The following LRRC53 variants were observed in gnomAD, a reference collection of about 807,000 sequenced individuals.
LRRC53 encodes leucine-rich repeat-containing protein 53.
Under a neutral mutation model 13.6 loss-of-function variants are expected in LRRC53, and 25 were observed. The observed-to-expected ratio is 1.83, with a 90% CI of 1.34 to 2.56. LRRC53 has a LOEUF of 2.56. Ranked by LOEUF, LRRC53 falls within the 30% of genes most tolerant of loss-of-function variation. LRRC53 has a pLI of 0.00. For missense variants in LRRC53, 527 were observed against 275.8 expected (o/e 1.91, Z -6.45); for synonymous variants, 204 against 109.8 (o/e 1.86, Z -5.37).
the LRRC53 span, among the ~76,000 whole-genome samples, chr1:74,531,672 C>T: frequency 2.0e-5 from 3 of 152,280 alleles, no homozygotes; most frequent in African/African-American, 7.2e-5. Context: ...AGCTGTTTCT[C>T]CACCTTTTCT....
chr1:74,497,681 G>A (rs1310407321), intron 1 of LRRC53, among the ~76,000 whole-genome samples: 4 of 152,030 alleles, frequency 2.6e-5, no homozygotes, highest in Non-Finnish European at 2.9e-5. Flanking sequence ...CTGCTTCCTA[G>A]CGTTTGCAAC....
the LRRC53 span, among the ~76,000 whole-genome samples, chr1:74,534,201 T>C: frequency 7.9e-6 from 1 of 126,044 alleles, no homozygotes; most frequent in Non-Finnish European, 1.6e-5. Flanking sequence ...AACAATTCTC[T>C]GTAATTGTTT....
At chr1:74,477,769 T>C (rs1447085151) in intron 3 of LRRC53, among the ~76,000 whole-genome samples, 1 of 152,212 alleles carries the variant, frequency 6.6e-6, no homozygotes, top group Non-Finnish European at 1.5e-5. Flanking sequence ...ATGAAGCTTG[T>C]AGGCAGGCGG....
intron 1 of LRRC53, among the ~76,000 whole-genome samples, chr1:74,490,148 G>A (rs1342757761): frequency 6.6e-6 from 1 of 150,378 alleles, no homozygotes; most frequent in Non-Finnish European, 1.5e-5. Flanking sequence ...GAGTGGCTCT[G>A]TCTCATGACT....
At chr1:74,485,971 T>A (rs1017084406) in intron 1 of LRRC53, among the ~76,000 whole-genome samples, 7 of 152,142 alleles carry the variant, frequency 4.6e-5, no homozygotes, top group African/African-American at 1.7e-4. Flanking sequence ...AGTGAAACTC[T>A]GAGCAAAGGA....
At chr1:74,501,706 T>C (rs1379334640) in intron 1 of LRRC53, among the ~76,000 whole-genome samples, 2 of 151,926 alleles carry the variant, frequency 1.3e-5, no homozygotes, top group Non-Finnish European at 2.9e-5. Flanking sequence ...TCAGGCTGGT[T>C]GTGTATTCCT....
intron 1 of LRRC53, among the ~76,000 whole-genome samples, chr1:74,503,183 A>C (rs1286262983): frequency 6.6e-6 from 1 of 152,198 alleles, no homozygotes; most frequent in Non-Finnish European, 1.5e-5. Flanking sequence ...TCTGGTGATG[A>C]AAGTCCAAGA....
Position 74,469,480 on chromosome 1 carries a change from AC to A in LRRC53, c.*397del, listed in dbSNP as rs1364757250. 1 of 155,810 alleles carries A rather than the reference AC, an allele frequency of 6.4e-6. No homozygotes were observed. The highest frequency in any genetic ancestry group is 2.4e-5 in the African/African-American group (1 of 41,604). 9.7% of individuals were successfully genotyped at this position (155,810 alleles called of 1,614,324 possible). On this transcript the variant is annotated 3_prime_UTR_variant, in exon 5 of 5. Coordinates refer to ENST00000294635, the MANE Select transcript of LRRC53 (RefSeq NM_001382280.1). ...TCCATGTAGAAAGCAATATTGTAAT[AC>A]CACTAATTGAGATATGTATAATAAT...
the LRRC53 span, among the ~76,000 whole-genome samples, chr1:74,533,552 C>T: frequency 6.6e-6 from 1 of 152,182 alleles, no homozygotes; most frequent in Non-Finnish European, 1.5e-5. Context: ...CCCAGCCATC[C>T]TATTACTGGG....
intron 1 of LRRC53, among the ~76,000 whole-genome samples, chr1:74,488,197 G>A (rs1668865745): frequency 6.6e-6 from 1 of 152,128 alleles, no homozygotes; most frequent in Non-Finnish European, 1.5e-5. Flanking sequence ...GTGTTTAGAG[G>A]AGAAACCATT....
the LRRC53 span, among the ~76,000 whole-genome samples, chr1:74,532,961 C>A: frequency 6.6e-6 from 1 of 152,192 alleles, no homozygotes; most frequent in Non-Finnish European, 1.5e-5. Flanking sequence ...CCATAAAAGC[C>A]CTAGAATAAA....
the LRRC53 span, among the ~76,000 whole-genome samples, chr1:74,529,392 C>T: frequency 6.6e-6 from 1 of 152,110 alleles, no homozygotes; most frequent in Non-Finnish European, 1.5e-5. Context: ...GGACATTTTG[C>T]AAAATTACTG....
chr1:74,470,162 G>C lies in LRRC53; in HGVS notation c.3460C>G (p.Leu1154Val). The C allele has an allele frequency of 2.5e-6, 1 of 400,678 alleles. No homozygotes were observed. The highest frequency in any genetic ancestry group is 4.4e-6 in the Non-Finnish European group (1 of 226,184). 24.8% of individuals were successfully genotyped at this position (400,678 alleles called of 1,614,324 possible). A position where few individuals can be genotyped will look rare whatever the true frequency, so the allele number is the denominator to read the frequency against. The change falls in exon 5 of 5, where the codon CTT (leucine) becomes GTT (valine). Residue 1154 changes from leucine (L) to valine (V), a missense_variant. Coordinates refer to ENST00000294635, the MANE Select transcript of LRRC53 (RefSeq NM_001382280.1). ...TSSHETQNRI[L>V]CSEVDPEVNS... ...ACTTCAGGATCTACTTCACTGCAAA[G>C]TATTCTATTTTGGGTTTCATGGGAA...
chr1:74,475,625 T>A lies in LRRC53; in HGVS notation c.1090A>T (p.Ile364Leu). The A allele has an allele frequency of 1.4e-6, 1 of 717,262 alleles. No homozygotes were observed. The highest frequency in any genetic ancestry group is 1.5e-5 in the South Asian group (1 of 67,576). The allele number at this position is 717,262 out of a possible 1,614,324, so 44.4% of individuals were successfully genotyped here. A position where few individuals can be genotyped will look rare whatever the true frequency, so the allele number is the denominator to read the frequency against. The stretch of plus-strand genomic sequence containing the variant: ...GACCCCACAGTGGACATGACCTTTA[T>A]CTCGTTTTCCTGAGTTAAGTGGCAG... ...CNCHLTQENEIKVMSTVGSRK... is the reference protein window; with the variant it reads ...CNCHLTQENELKVMSTVGSRK... Residue 364 changes from isoleucine to leucine, a missense_variant, in exon 4 of 5, where the codon ATA becomes TTA. Coordinates refer to ENST00000294635, the MANE Select transcript of LRRC53 (RefSeq NM_001382280.1).
chr1:74,482,223 T>C (rs2100262980), intron 2 of LRRC53, among the ~76,000 whole-genome samples: 1 of 152,330 alleles, frequency 6.6e-6, no homozygotes, highest in Non-Finnish European at 1.5e-5. Context: ...CAATTACTTC[T>C]TGTCTAGGTC....
chr1:74,514,653 G>A (rs1646322775), upstream of LRRC53, among the ~76,000 whole-genome samples: 1 of 151,992 alleles, frequency 6.6e-6, no homozygotes, highest in Non-Finnish European at 1.5e-5. Flanking sequence ...GGGGAAGCTG[G>A]GATTGACTCC....
At chr1:74,472,911 T>A (rs1668007167) in intron 4 of LRRC53, among the ~76,000 whole-genome samples, 1 of 152,090 alleles carries the variant, frequency 6.6e-6, no homozygotes, top group Non-Finnish European at 1.5e-5. Context: ...AAATTCCTCT[T>A]CATGTTACAA....
intron 1 of LRRC53, among the ~76,000 whole-genome samples, chr1:74,502,655 C>G (rs1490626076): frequency 6.6e-6 from 1 of 152,196 alleles, no homozygotes; most frequent in Non-Finnish European, 1.5e-5. Context: ...GTGGAACATA[C>G]TTCCCTCTGT....
At chr1:74,516,557 G>A (rs576259516), upstream of LRRC53, among the ~76,000 whole-genome samples, 10 of 152,270 alleles carry the variant, frequency 6.6e-5, 1 homozygote, top group African/African-American at 2.4e-4. Flanking sequence ...GGGAGCAATA[G>A]AGGATGAGGC....
Sources: gnomAD v4.1 joint callset for allele counts (sites outside exome capture counted in the v4.1 genomes callset) on GRCh38, gnomAD v4.1.1 for gene constraint, MANE v1.5 for transcripts, NCBI Gene and HGNC (gene_info 2026-07-23, HGNC 2026-07-21) for gene names.